Variants in ERMP1 observed in about 807,000 individuals in gnomAD.
ERMP1 encodes endoplasmic reticulum metallopeptidase 1.
Under a neutral mutation model 92.0 loss-of-function variants are expected in ERMP1, and 86 were observed. The ratio of observed to expected loss-of-function variants is 0.93; its 90% CI spans 0.79 to 1.12. The LOEUF (loss-of-function observed/expected upper bound fraction) is 1.12. Ranked by LOEUF, ERMP1 falls within the 50% of genes most tolerant of loss-of-function variation. ERMP1 has a pLI of 0.00. For missense variants in ERMP1, 1,342 were observed against 1,116.3 expected (o/e 1.20, Z -2.88); for synonymous variants, 530 against 412.8 (o/e 1.28, Z -3.44).
chr9:5,799,488 C>T (rs376202692), intron 11 of ERMP1, among the ~76,000 whole-genome samples: 1 of 151,994 alleles, frequency 6.6e-6, no homozygotes, highest in Non-Finnish European at 1.5e-5. Context: ...ACTTTATTCA[C>T]GGCAGAAACC....
chr9:5,854,531 T>A (rs536698278), intron 6 of ERMP1, among the ~76,000 whole-genome samples: 1 of 152,300 alleles, frequency 6.6e-6, no homozygotes, highest in Admixed American at 6.5e-5. Context: ...TAGTTCCATA[T>A]GGTCTTATAC....
At chr9:5,845,530 T>C (rs964472383) in intron 6 of ERMP1, among the ~76,000 whole-genome samples, 5 of 152,196 alleles carry the variant, frequency 3.3e-5, no homozygotes, top group South Asian at 2.1e-4. Context: ...GATTGATTGA[T>C]TGATTGATCG....
At chr9:5,857,942 C>T (rs143994139) in intron 6 of ERMP1, among the ~76,000 whole-genome samples, 25 of 152,348 alleles carry the variant, frequency 1.6e-4, no homozygotes, top group African/African-American at 5.5e-4. Flanking sequence ...TGATAGTCAA[C>T]TGACACATAT....
chr9:5,850,612 A>G (rs1175434515), intron 6 of ERMP1, among the ~76,000 whole-genome samples: 1 of 152,098 alleles, frequency 6.6e-6, no homozygotes, highest in Non-Finnish European at 1.5e-5. Context: ...CTCTCACTCT[A>G]CATAAGAACT....
intron 6 of ERMP1, among the ~76,000 whole-genome samples, chr9:5,850,806 A>C (rs1439391326): frequency 1.3e-5 from 2 of 152,178 alleles, no homozygotes; most frequent in African/African-American, 4.8e-5. Context: ...CAAATGCTAT[A>C]CCTGAAAGGG....
intron 6 of ERMP1, among the ~76,000 whole-genome samples, chr9:5,853,552 G>A (rs1467831753): frequency 2.0e-5 from 3 of 152,034 alleles, no homozygotes; most frequent in Non-Finnish European, 2.9e-5. Context: ...TCCAGATTGT[G>A]TATGTTCCTA....
chr9:5,794,316 G>A (rs1828324909), intron 13 of ERMP1, among the ~76,000 whole-genome samples: 1 of 152,064 alleles, frequency 6.6e-6, no homozygotes. Flanking sequence ...TTATAGCAAT[G>A]AATGCATATA....
chr9:5,795,069 C>G (rs1342998443), intron 13 of ERMP1, among the ~76,000 whole-genome samples: 3 of 152,146 alleles, frequency 2.0e-5, no homozygotes, highest in African/African-American at 7.2e-5. Context: ...GGATTTACCT[C>G]AGGTATGCAA....
chr9:5,861,328 GA>G (rs1172670078), intron 5 of ERMP1, among the ~76,000 whole-genome samples: 6 of 151,162 alleles, frequency 4.0e-5, no homozygotes, highest in East Asian at 1.9e-4. Context: ...GAATTTGGGT[GA>G]AAAAAAAGTA....
At chr9:5,852,578 G>A (rs190301771) in intron 6 of ERMP1, among the ~76,000 whole-genome samples, 61 of 150,890 alleles carry the variant, frequency 4.0e-4, no homozygotes, top group African/African-American at 9.3e-4. Context: ...TTTTTTATGT[G>A]CTCAAATACT....
intron 2 of ERMP1, 129 bp downstream of exon 2, chr9:5,830,598 C>T (rs1018447083): frequency 3.1e-5 from 20 of 644,366 alleles, no homozygotes; most frequent in Non-Finnish European, 2.1e-5. Context: ...AATTATCCTG[C>T]TTTCCATCAC....
chr9:5,832,966 T>C lies in ERMP1; in HGVS notation c.62A>G (p.Glu21Gly). Residue 21 changes from glutamate (E) to glycine (G), a missense_variant, in exon 1 of 15, where the codon GAG becomes GGG. Coordinates refer to ENST00000339450, the MANE Select transcript of ERMP1 (RefSeq NM_024896.3). ...CGGCGGTGGCGCGGCCGCCGCTCCC[T>C]CTCGACGCTCTACTCCGACGCGGTG... ...RRHRVGVERREGAAAAPPPER... is the reference protein window; with the variant it reads ...RRHRVGVERRGGAAAAPPPER... 6.4e-7 allele frequency: 1 copy of C among 1,565,612 alleles called. No individual in the cohort carries two copies. The highest frequency in any genetic ancestry group is 1.1e-5 in the South Asian group (1 of 87,100).
intron 4 of ERMP1, 129 bp downstream of exon 4, chr9:5,823,767 C>A: frequency 1.5e-6 from 1 of 678,848 alleles, no homozygotes; most frequent in Non-Finnish European, 2.5e-6. Context: ...AAGCTAACAC[C>A]ACCTCATGCT....
At chr9:5,826,273 A>G (rs1353368340) in intron 2 of ERMP1, among the ~76,000 whole-genome samples, 1 of 152,270 alleles carries the variant, frequency 6.6e-6, no homozygotes, top group African/African-American at 2.4e-5. Context: ...AACGTAACTC[A>G]GGCAGTAACA....
chr9:5,820,549 C>T (rs1488377479), intron 4 of ERMP1, among the ~76,000 whole-genome samples: 2 of 152,282 alleles, frequency 1.3e-5, no homozygotes, highest in South Asian at 2.1e-4. Flanking sequence ...AATGAGGTCA[C>T]TGGTCTGATA....
chr9:5,798,914 T>C lies in ERMP1; in HGVS notation c.2162A>G (p.His721Arg). 6.2e-7 allele frequency: 1 copy of C among 1,612,340 alleles called. No homozygotes were observed. Among genetic ancestry groups the C allele is most frequent in the South Asian group, 1.1e-5 (1 of 91,034 alleles). Residue 721 changes from histidine (H) to arginine (R), a missense_variant, in exon 12 of 15, where the codon CAC (histidine) becomes CGC (arginine). Physicochemically the swap from His to Arg is conservative, Grantham distance 29. Transcript: ENST00000339450. ...INGFDYTGIS[H>R]ITPHIPEIND... Reference sequence around the variant, plus strand: ...GATCTCAGGAATGTGAGGGGTTATGTGAGAAATTCCAGTATAATCAAACCC... The same window carrying C: ...GATCTCAGGAATGTGAGGGGTTATGCGAGAAATTCCAGTATAATCAAACCC...
Position 5,787,190 on chromosome 9 carries a change from G to C in ERMP1, c.2669C>G (p.Thr890Arg). 6.2e-7 allele frequency: 1 copy of C among 1,614,108 alleles called. No individual in the cohort carries two copies. The highest frequency in any genetic ancestry group is 8.5e-7 in the Non-Finnish European group (1 of 1,179,980). ...DALKEKFPDWTFPSAWVCTYD... is the reference protein window; with the variant it reads ...DALKEKFPDWRFPSAWVCTYD... ...GGTGCACACCCAGGCAGAGGGAAAT[G>C]TCCAATCTGGGAACTTTTCCTTCAG... Residue 890 changes from threonine to arginine, a missense_variant, in exon 15 of 15, where the codon ACA becomes AGA. Coordinates refer to ENST00000339450, the MANE Select transcript of ERMP1 (RefSeq NM_024896.3).
intron 6 of ERMP1, among the ~76,000 whole-genome samples, chr9:5,844,529 C>T (rs1830210471): frequency 6.6e-6 from 1 of 152,156 alleles, no homozygotes; most frequent in Non-Finnish European, 1.5e-5. Flanking sequence ...CCTCCTTGGC[C>T]TCCCAAAGTG....
chr9:5,794,260 A>T (rs151313698), intron 13 of ERMP1, among the ~76,000 whole-genome samples: 3 of 152,294 alleles, frequency 2.0e-5, no homozygotes, highest in African/African-American at 7.2e-5. Context: ...TGAAAATTCA[A>T]CTTAAAATTT....
Sources: allele counts gnomAD v4.1 joint callset (sites outside exome capture counted in the v4.1 genomes callset), GRCh38; gene constraint gnomAD v4.1.1; transcripts MANE v1.5; gene names NCBI Gene and HGNC (gene_info 2026-07-23, HGNC 2026-07-21).